GALNT13: variants seen among roughly 807,000 people sequenced by gnomAD.
GALNT13 encodes UDP-GalNAc:polypeptide N-acetylgalactosaminyltransferase 13.
GALNT13 carries 28 observed loss-of-function variants against 64.2 expected under a neutral mutation model. That is an observed-to-expected ratio of 0.44 (90% CI 0.32 to 0.60). The LOEUF is 0.60. Among genes scored for constraint, GALNT13 ranks in the 20% least tolerant of loss-of-function variants. The pLI is 0.05. For synonymous variants in GALNT13, 214 were observed against 224.6 expected, an observed-to-expected ratio of 0.95 and a Z score of 0.42; for missense variants, 577 against 669.8, an observed-to-expected ratio of 0.86 and a Z score of 1.53.
chr2:153,099,664 A>G, the GALNT13 span, among the ~76,000 whole-genome samples: 1 of 152,214 alleles, frequency 6.6e-6, no homozygotes, highest in Admixed American at 6.5e-5. Flanking sequence ...GTGTAACTCT[A>G]TTTAATGTTT....
the GALNT13 span, among the ~76,000 whole-genome samples, chr2:153,461,021 C>T: frequency 3.3e-5 from 5 of 152,082 alleles, no homozygotes; most frequent in Admixed American, 3.3e-4. Context: ...GTGGCGTATA[C>T]ACTTTTCTGT....
At chr2:153,150,270 C>T in the GALNT13 span, among the ~76,000 whole-genome samples, 1 of 152,006 alleles carries the variant, frequency 6.6e-6, no homozygotes, top group African/African-American at 2.4e-5. Context: ...TAAATGTCCT[C>T]TTTTGAGAAG....
rs569560321 is a variant in GALNT13 at position 153,921,956 on chromosome 2, G to A, written c.-105+20949G>A. Among the ~76,000 whole-genome samples the A allele has an allele frequency of 5.3e-5, 8 of 152,018 alleles. 1 individual carries two copies. The highest frequency in any genetic ancestry group is 1.4e-4 in the African/African-American group (6 of 41,466). On this transcript the variant is annotated intron_variant, in intron 2 of 12. Coordinates refer to ENST00000392825, the MANE Select transcript of GALNT13 (RefSeq NM_052917.4). ...ATAAGGATAAACATAATTTAAATAC[G>A]TTAAAATACATCTATAATTTTAAAA... is the stretch of plus-strand genomic sequence containing the variant.
chr2:154,353,301 TA>T (rs537827105), intron 9 of GALNT13, among the ~76,000 whole-genome samples: 1 of 152,102 alleles, frequency 6.6e-6, no homozygotes, highest in Non-Finnish European at 1.5e-5. Flanking sequence ...TATATTCACT[TA>T]AAAAAATGGG....
intron 9 of GALNT13, among the ~76,000 whole-genome samples, chr2:154,307,231 C>T (rs944511906): frequency 6.6e-6 from 1 of 152,104 alleles, no homozygotes; most frequent in African/African-American, 2.4e-5. Flanking sequence ...TAGGTACACA[C>T]TGTAATATAA....
chr2:153,854,463 C>T, the GALNT13 span, among the ~76,000 whole-genome samples: 5 of 151,762 alleles, frequency 3.3e-5, no homozygotes, highest in African/African-American at 4.8e-5. Flanking sequence ...CACCTGTAAT[C>T]CCAGCTAGTA....
the GALNT13 span, among the ~76,000 whole-genome samples, chr2:153,707,314 T>C: frequency 5.3e-5 from 8 of 152,208 alleles, no homozygotes; most frequent in African/African-American, 1.7e-4. Context: ...AAAAATGCCA[T>C]ATGCTTGATC....
the GALNT13 span, among the ~76,000 whole-genome samples, chr2:153,834,289 C>T: frequency 1.3e-5 from 2 of 152,072 alleles, no homozygotes; most frequent in African/African-American, 4.8e-5. Context: ...AGAGGCCAGG[C>T]AGATAATATA....
chr2:153,887,802 T>G (rs1687290316), intron 1 of GALNT13, among the ~76,000 whole-genome samples: 1 of 152,108 alleles, frequency 6.6e-6, no homozygotes, highest in East Asian at 1.9e-4. Flanking sequence ...TGGAAGAGGC[T>G]TAGAGAAATT....
At chr2:153,510,118 C>A in the GALNT13 span, among the ~76,000 whole-genome samples, 4 of 152,120 alleles carry the variant, frequency 2.6e-5, no homozygotes, top group Non-Finnish European at 5.9e-5. Flanking sequence ...AATGTTCCAG[C>A]CTAAGCATGA....
intron 9 of GALNT13, among the ~76,000 whole-genome samples, chr2:154,318,886 C>G (rs139548584): frequency 2.6e-4 from 40 of 152,138 alleles, no homozygotes; most frequent in African/African-American, 8.9e-4. Flanking sequence ...CGCGCGCACA[C>G]ACACGCACAC....
intron 8 of GALNT13, among the ~76,000 whole-genome samples, chr2:154,260,244 A>C (rs1690622451): frequency 6.6e-6 from 1 of 152,162 alleles, no homozygotes; most frequent in Admixed American, 6.6e-5. Context: ...CAATAAAATT[A>C]TTAGAGTTTA....
chr2:153,461,578 A>C, the GALNT13 span, among the ~76,000 whole-genome samples: 2 of 152,018 alleles, frequency 1.3e-5, no homozygotes, highest in Admixed American at 1.3e-4. Flanking sequence ...GTCTGGGTTA[A>C]TTTCAAAAGT....
intron 2 of GALNT13, among the ~76,000 whole-genome samples, chr2:153,901,738 T>G (rs1247724096): frequency 2.0e-5 from 3 of 152,202 alleles, no homozygotes; most frequent in Non-Finnish European, 1.5e-5. Flanking sequence ...TTATATTCAG[T>G]GTCAATAGAA....
chr2:153,110,884 T>C, the GALNT13 span, among the ~76,000 whole-genome samples: 3 of 152,176 alleles, frequency 2.0e-5, no homozygotes, highest in African/African-American at 4.8e-5. Context: ...AAATCATTTT[T>C]CATTCTATTT....
At chr2:153,267,056 G>A in the GALNT13 span, among the ~76,000 whole-genome samples, 2 of 152,210 alleles carry the variant, frequency 1.3e-5, no homozygotes, top group Non-Finnish European at 2.9e-5. Context: ...GGGGCCACAG[G>A]CCCCATGCAA....
intron 3 of GALNT13, among the ~76,000 whole-genome samples, chr2:153,946,626 T>G (rs1220655713): frequency 6.6e-6 from 1 of 152,022 alleles, no homozygotes; most frequent in Non-Finnish European, 1.5e-5. Flanking sequence ...GAGAAATCTC[T>G]CTGGGGCATA....
chr2:153,912,969 C>T (rs1689061059), intron 2 of GALNT13, among the ~76,000 whole-genome samples: 2 of 152,224 alleles, frequency 1.3e-5, no homozygotes, highest in African/African-American at 4.8e-5. Flanking sequence ...TGCTGGGTAG[C>T]CAGCAGGTGT....
the GALNT13 span, among the ~76,000 whole-genome samples, chr2:153,709,875 C>T: frequency 6.6e-6 from 1 of 151,862 alleles, no homozygotes; most frequent in Non-Finnish European, 1.5e-5. Context: ...AGTGAAATAA[C>T]CTAGGCACGG....
Sources: gnomAD v4.1 joint callset for allele counts (sites outside exome capture counted in the v4.1 genomes callset) on GRCh38, gnomAD v4.1.1 for gene constraint, MANE v1.5 for transcripts, NCBI Gene and HGNC (gene_info 2026-07-23, HGNC 2026-07-21) for gene names.